The following TNFSF11 variants were observed in gnomAD, a reference collection of about 807,000 sequenced individuals.
TNFSF11 encodes tumor necrosis factor ligand superfamily member 11.
In TNFSF11, 12 loss-of-function variants were observed where a neutral mutation model predicts 32.2. The ratio of observed to expected loss-of-function variants is 0.37; its 90% CI spans 0.24 to 0.60. The LOEUF is 0.60. TNFSF11 is among the 20% of genes least tolerant of loss of function. The pLI is 0.66. For synonymous variants in TNFSF11, 172 were observed against 152.1 expected, an observed-to-expected ratio of 1.13 and a Z score of -0.96; for missense variants, 345 against 398.0, an observed-to-expected ratio of 0.87 and a Z score of 1.13.
At position 42,607,221 on chromosome 13, in the gene TNFSF11, T is replaced by C; in HGVS notation, c.*303T>C. ...AACTGCATGTGGGCTATGGGAGGGG[T>C]TGGTCCCTGGTCATGTGCCCCTTCG... On this transcript the variant is annotated 3_prime_UTR_variant, in exon 5 of 5. Transcript: ENST00000398795. The C allele has an allele frequency of 3.1e-6, 1 of 322,256 alleles. No individual in the cohort carries two copies. The highest frequency in any genetic ancestry group is 7.0e-5 in the East Asian group (1 of 14,302). The allele number at this position is 322,256 out of a possible 1,614,324, so 20.0% of individuals were successfully genotyped here.
chr13:42,571,290 G>T (rs1873058388), upstream of TNFSF11, among the ~76,000 whole-genome samples: 1 of 152,196 alleles, frequency 6.6e-6, no homozygotes, highest in Non-Finnish European at 1.5e-5. Context: ...CTCCAGTTAG[G>T]TAGTATTTGA....
At chr13:42,574,148 C>A (rs1873176820), upstream of TNFSF11, 2 of 978,032 alleles carry the variant, frequency 2.0e-6, no homozygotes, top group Non-Finnish European at 1.5e-6. Flanking sequence ...CTGCCGGGCG[C>A]CCTGCCCGCT....
chr13:42,574,870 C>A (rs879277772), intron 1 of TNFSF11, among the ~76,000 whole-genome samples: 25 of 152,370 alleles, frequency 1.6e-4, no homozygotes, highest in Non-Finnish European at 3.1e-4. Context: ...TTCTCCCTGT[C>A]ATTTCTCACT....
rs144585298 is a variant in TNFSF11 at position 42,596,942 on chromosome 13, T to C, written c.388-3810T>C. ...TTGGGGTCAGGGTATGGGTATCTTCTAAACTGCCTAGGTGTCTCTGCTGCG... is the reference window on the plus strand; with the variant it reads ...TTGGGGTCAGGGTATGGGTATCTTCCAAACTGCCTAGGTGTCTCTGCTGCG... On this transcript the variant is annotated intron_variant, in intron 2 of 4. Transcript: ENST00000398795. 2.9e-3 allele frequency among the ~76,000 whole-genome samples: 444 copies of C among 152,360 alleles called. 3 individuals are homozygous for C. The highest frequency in any genetic ancestry group is 0.01 in the African/African-American group (421 of 41,588).
At chr13:42,589,671 C>T (rs1874071588) in intron 2 of TNFSF11, among the ~76,000 whole-genome samples, 2 of 152,186 alleles carry the variant, frequency 1.3e-5, no homozygotes, top group South Asian at 4.1e-4. Context: ...CAGTATGGTG[C>T]TGAACTCTCC....
intron 2 of TNFSF11, among the ~76,000 whole-genome samples, chr13:42,592,801 T>A (rs1007723814): frequency 2.6e-5 from 4 of 152,064 alleles, no homozygotes; most frequent in Non-Finnish European, 4.4e-5. Flanking sequence ...GCTGTTCTCA[T>A]GGTAGTGAAT....
intron 1 of TNFSF11, among the ~76,000 whole-genome samples, chr13:42,566,061 C>A (rs1872858946): frequency 6.6e-6 from 1 of 152,140 alleles, no homozygotes; most frequent in Non-Finnish European, 1.5e-5. Flanking sequence ...AGAGCACGGG[C>A]CAACTTCTGG....
chr13:42,593,461 T>G (rs1868616901), intron 2 of TNFSF11, among the ~76,000 whole-genome samples: 2 of 152,054 alleles, frequency 1.3e-5, no homozygotes, highest in South Asian at 4.1e-4. Context: ...TAGGAAGCTA[T>G]TATGCTAGTC....
In TNFSF11 at chr13:42,583,176, C is replaced by T. The variant is rs148816579; in HGVS notation, c.387+1883C>T. Among the ~76,000 whole-genome samples, 467 of 151,644 alleles carry T rather than the reference C, an allele frequency of 3.1e-3. 5 individuals are homozygous for T. Among genetic ancestry groups the T allele is most frequent in the African/African-American group, 0.01 (425 of 41,320 alleles). ...TTGTAATCCCAGCACTTTGGGAGGC[C>T]GAGGTGGGAGGATCACGTGAGTCCA... is the stretch of plus-strand genomic sequence containing the variant. On this transcript the variant is annotated intron_variant, in intron 2 of 4. Coordinates refer to ENST00000398795, the MANE Select transcript of TNFSF11 (RefSeq NM_003701.4).
At chr13:42,601,355 A>T (rs1389294341) in intron 4 of TNFSF11, among the ~76,000 whole-genome samples, 1 of 152,230 alleles carries the variant, frequency 6.6e-6, no homozygotes, top group Non-Finnish European at 1.5e-5. Context: ...AGGTAGTCAC[A>T]TACTCAGCTA....
chr13:42,592,298 A>G (rs1306237376), intron 2 of TNFSF11, among the ~76,000 whole-genome samples: 1 of 152,198 alleles, frequency 6.6e-6, no homozygotes, highest in Non-Finnish European at 1.5e-5. Context: ...CTGACCAACC[A>G]GCTACAAATC....
At chr13:42,589,575 G>C (rs1032268321) in intron 2 of TNFSF11, among the ~76,000 whole-genome samples, 1 of 152,126 alleles carries the variant, frequency 6.6e-6, no homozygotes, top group East Asian at 1.9e-4. Flanking sequence ...GGAAAGCCTC[G>C]TTCCAGCCCC....
chr13:42,595,306 C>T (rs1243392787), intron 2 of TNFSF11, among the ~76,000 whole-genome samples: 2 of 152,202 alleles, frequency 1.3e-5, no homozygotes, highest in African/African-American at 2.4e-5. Flanking sequence ...ATTTACTTAT[C>T]TAAAATTGCA....
chr13:42,569,270 T>C (rs1872970837), upstream of TNFSF11, among the ~76,000 whole-genome samples: 1 of 152,034 alleles, frequency 6.6e-6, no homozygotes, highest in South Asian at 2.1e-4. Flanking sequence ...AGATATTAGC[T>C]GGGCACGGTG....
intron 2 of TNFSF11, among the ~76,000 whole-genome samples, chr13:42,588,890 G>A (rs548505257): frequency 5.3e-5 from 8 of 152,132 alleles, no homozygotes; most frequent in Non-Finnish European, 8.8e-5. Flanking sequence ...GTCAAGAGCT[G>A]TCTGTTTCTG....
In TNFSF11 at chr13:42,574,231, G is replaced by A. The variant is rs2137851906; in HGVS notation, c.-73G>A. On this transcript the variant is annotated 5_prime_UTR_variant, in exon 1 of 5. Coordinates refer to ENST00000398795, the MANE Select transcript of TNFSF11 (RefSeq NM_003701.4). Reference sequence around the variant, plus strand: ...ACGTCGAGGCTCCGCCGCAGCCTCCGGAGTTGGCCGCAGACAAGAAGGGGA... The same window carrying A: ...ACGTCGAGGCTCCGCCGCAGCCTCCAGAGTTGGCCGCAGACAAGAAGGGGA... 6.6e-7 allele frequency: 1 copy of A among 1,524,810 alleles called. No homozygotes were observed. The highest frequency in any genetic ancestry group is 2.5e-5 in the East Asian group (1 of 40,538). 94.5% of individuals were successfully genotyped at this position (1,524,810 alleles called of 1,614,324 possible). A position where few individuals can be genotyped will look rare whatever the true frequency, so the allele number is the denominator to read the frequency against.
Position 42,606,765 on chromosome 13 carries a change from T to C in TNFSF11, c.801T>C (p.Asn267=). The change falls in exon 5 of 5, where the codon AAT becomes AAC. Residue 267 remains asparagine, a synonymous_variant. Transcript: ENST00000398795. ...GAAGCACCAAGTATTGGTCAGGGAATTCTGAATTCCATTTTTATTCCATAA... is the reference window on the plus strand; with the variant it reads ...GAAGCACCAAGTATTGGTCAGGGAACTCTGAATTCCATTTTTATTCCATAA... The part of the protein sequence containing the change: ...KGGSTKYWSG[N]SEFHFYSINV... 3 of 1,614,056 alleles carry C rather than the reference T, an allele frequency of 1.9e-6. No individual in the cohort carries two copies. Among genetic ancestry groups the C allele is most frequent in the East Asian group, 2.2e-5 (1 of 44,882 alleles).
rs1213683982 is a variant in TNFSF11 at position 42,607,641 on chromosome 13, A to AT, written c.*729dup. The AT allele has an allele frequency of 2.6e-5, 4 of 152,840 alleles. No individual in the cohort carries two copies. Among genetic ancestry groups the AT allele is most frequent in the East Asian group, 1.9e-4 (1 of 5,324 alleles). 9.5% of individuals were successfully genotyped at this position (152,840 alleles called of 1,614,324 possible). ...TTCTTCGTTCTTTTTAAGTTAATAGATTTTTTCAGACTTGTCAAGCCTGTG... is the reference window on the plus strand; with the variant it reads ...TTCTTCGTTCTTTTTAAGTTAATAGATTTTTTTCAGACTTGTCAAGCCTGTG... On this transcript the variant is annotated 3_prime_UTR_variant, in exon 5 of 5. Transcript: ENST00000398795.
chr13:42,576,069 T>C (rs1873299943), intron 1 of TNFSF11, among the ~76,000 whole-genome samples: 1 of 152,164 alleles, frequency 6.6e-6, no homozygotes, highest in South Asian at 2.1e-4. Context: ...ATAAAACCAT[T>C]AAAATTCTTA....
Sources: allele counts gnomAD v4.1 joint callset (sites outside exome capture counted in the v4.1 genomes callset), GRCh38; gene constraint gnomAD v4.1.1; transcripts MANE v1.5; gene names NCBI Gene and HGNC (gene_info 2026-07-23, HGNC 2026-07-21).